Variants in TIAM1 observed in about 807,000 individuals in gnomAD.
TIAM1 encodes the protein TIAM Rac1 associated GEF 1.
Under a neutral mutation model 163.5 loss-of-function variants are expected in TIAM1, and 65 were observed. That is an observed-to-expected ratio of 0.40 (90% CI 0.33 to 0.49). The LOEUF is 0.49. TIAM1 is among the 20% of genes least tolerant of loss of function. TIAM1 has a pLI of 0.77. For synonymous variants in TIAM1, 833 were observed against 810.1 expected, an observed-to-expected ratio of 1.03 and a Z score of -0.48; for missense variants, 1,789 against 2,044.7, an observed-to-expected ratio of 0.87 and a Z score of 2.41.
In TIAM1 at chr21:31,173,765, C is replaced by T. The variant is rs544075085; in HGVS notation, c.2887+8656G>A. On this transcript the variant is annotated intron_variant, in intron 15 of 27. Coordinates refer to ENST00000541036, the MANE Select transcript of TIAM1 (RefSeq NM_001353694.2). ...TGTTTCCTATAGAAATTTAAAAATCCATAAAAACTTACTAATCCTGTTAGC... is the reference window on the plus strand; with the variant it reads ...TGTTTCCTATAGAAATTTAAAAATCTATAAAAACTTACTAATCCTGTTAGC... Among the ~76,000 whole-genome samples, 9 of 152,198 alleles carry T rather than the reference C, an allele frequency of 5.9e-5. No individual in the cohort carries two copies. In the South Asian group the frequency reaches 1.9e-3, roughly 32 times the overall value.
intron 2 of TIAM1, among the ~76,000 whole-genome samples, chr21:31,311,162 T>G (rs1280052515): frequency 1.7e-5 from 2 of 115,964 alleles, no homozygotes; most frequent in Non-Finnish European, 3.5e-5. Context: ...TTTTTTTGTT[T>G]GTTTGTTTTG....
chr21:31,429,365 G>A (rs1198648239), intron 2 of TIAM1, among the ~76,000 whole-genome samples: 5 of 152,126 alleles, frequency 3.3e-5, no homozygotes, highest in Admixed American at 6.5e-5. Flanking sequence ...AAAATATTCA[G>A]ACCCTTTGAC....
At chr21:31,448,947 C>T (rs2044727433) in intron 2 of TIAM1, among the ~76,000 whole-genome samples, 1 of 152,072 alleles carries the variant, frequency 6.6e-6, no homozygotes, top group Admixed American at 6.6e-5. Context: ...TATAACAGTG[C>T]CCACCTGCTA....
At chr21:31,331,387 T>C (rs748339184) in intron 2 of TIAM1, among the ~76,000 whole-genome samples, 2 of 152,270 alleles carry the variant, frequency 1.3e-5, no homozygotes, top group East Asian at 3.9e-4. Flanking sequence ...TGCAGGCCCA[T>C]AGGCCCAACC....
intron 2 of TIAM1, among the ~76,000 whole-genome samples, chr21:31,409,461 C>T (rs1000207527): frequency 1.3e-5 from 2 of 152,194 alleles, no homozygotes; most frequent in African/African-American, 4.8e-5. Flanking sequence ...TTCTCACAGA[C>T]TGCCCCTCCA....
At chr21:31,538,926 T>C (rs2123263166) in intron 1 of TIAM1, among the ~76,000 whole-genome samples, 1 of 152,296 alleles carries the variant, frequency 6.6e-6, no homozygotes, top group East Asian at 1.9e-4. Context: ...CCACCTACCA[T>C]GCCTCCCGTA....
intron 1 of TIAM1, among the ~76,000 whole-genome samples, chr21:31,481,683 A>C (rs2046113092): frequency 6.6e-6 from 1 of 152,140 alleles, no homozygotes; most frequent in African/African-American, 2.4e-5. Flanking sequence ...AGAAACAGCC[A>C]AATGTTAGAG....
intron 8 of TIAM1, among the ~76,000 whole-genome samples, chr21:31,218,563 T>C (rs893630888): frequency 6.9e-6 from 1 of 144,436 alleles, no homozygotes; most frequent in Non-Finnish European, 1.5e-5. Flanking sequence ...AACGAGACTC[T>C]TTCTCAAAAA....
intron 26 of TIAM1, 44 bp from the exon 27 acceptor site, chr21:31,124,738 C>T (rs2082128678): frequency 6.7e-7 from 1 of 1,488,438 alleles, no homozygotes; most frequent in African/African-American, 1.4e-5. Flanking sequence ...CAGGGCTTAA[C>T]ACATGGGGAA....
At chr21:31,176,252 AAGAG>A (rs1208869477) in intron 15 of TIAM1, among the ~76,000 whole-genome samples, 55 of 152,284 alleles carry the variant, frequency 3.6e-4, no homozygotes, top group African/African-American at 1.2e-3. Flanking sequence ...ACAAGAACAC[AAGAG>A]AGACTTTTTT....
chr21:31,297,516 T>C (rs1601868987), intron 2 of TIAM1, among the ~76,000 whole-genome samples: 2 of 152,304 alleles, frequency 1.3e-5, no homozygotes, highest in South Asian at 4.1e-4. Context: ...CGCCTCAGCC[T>C]CCTGAGTAGC....
At chr21:31,466,223 T>G (rs913224872) in intron 1 of TIAM1, among the ~76,000 whole-genome samples, 3 of 152,186 alleles carry the variant, frequency 2.0e-5, no homozygotes, top group African/African-American at 7.2e-5. Flanking sequence ...AGCAAAGACG[T>G]CTGGAGATCA....
At chr21:31,160,538 G>C (rs1003964830) in intron 16 of TIAM1, 3 of 398,510 alleles carry the variant, frequency 7.5e-6, no homozygotes, top group African/African-American at 6.2e-5. Flanking sequence ...ACATCATCAG[G>C]AATGTATTCT....
At chr21:31,471,291 G>A (rs1487849201) in intron 1 of TIAM1, among the ~76,000 whole-genome samples, 1 of 152,200 alleles carries the variant, frequency 6.6e-6, no homozygotes, top group Non-Finnish European at 1.5e-5. Flanking sequence ...CAGGAGCTGT[G>A]TGGGGAGGAT....
At chr21:31,465,778 G>A (rs1474264950) in intron 1 of TIAM1, among the ~76,000 whole-genome samples, 1 of 152,196 alleles carries the variant, frequency 6.6e-6, no homozygotes, top group Non-Finnish European at 1.5e-5. Flanking sequence ...CACCGTGTTA[G>A]CCTGGATGGT....
intron 1 of TIAM1, among the ~76,000 whole-genome samples, chr21:31,526,367 G>A (rs937705950): frequency 4.6e-5 from 7 of 152,168 alleles, no homozygotes; most frequent in Admixed American, 2.0e-4. Flanking sequence ...CATGCACGGC[G>A]GAAACTTCTG....
At chr21:31,335,148 A>G (rs2256951) in intron 2 of TIAM1, among the ~76,000 whole-genome samples, 18,098 of 152,224 alleles carry the variant, frequency 0.12, 1,457 homozygotes, top group East Asian at 0.44. Context: ...CTGTCTAACC[A>G]GAGAGGTTCC....
chr21:31,213,077 C>T, intron 10 of TIAM1: 1 of 264,382 alleles, frequency 3.8e-6, no homozygotes, highest in Non-Finnish European at 7.1e-6. Flanking sequence ...AGAAGTTGTA[C>T]ATGGAAAGAA....
intron 2 of TIAM1, among the ~76,000 whole-genome samples, chr21:31,409,330 G>C (rs912606249): frequency 2.0e-5 from 3 of 151,988 alleles, no homozygotes; most frequent in African/African-American, 7.2e-5. Context: ...GGCTGGTCTT[G>C]AACTCCTGAC....
Sources: allele counts gnomAD v4.1 joint callset (sites outside exome capture counted in the v4.1 genomes callset), GRCh38; gene constraint gnomAD v4.1.1; transcripts MANE v1.5; gene names NCBI Gene and HGNC (gene_info 2026-07-23, HGNC 2026-07-21).